PRKCH: variants seen among roughly 807,000 people sequenced by gnomAD.
The protein encoded by PRKCH is protein kinase C eta, also known as protein kinase C eta type.
In PRKCH, 28 loss-of-function variants were observed where a neutral mutation model predicts 82.5. That is an observed-to-expected ratio of 0.34 (90% confidence interval 0.25 to 0.47). PRKCH has a LOEUF of 0.47. PRKCH is among the 20% of genes least tolerant of loss of function. The pLI, the probability that PRKCH is intolerant of heterozygous loss-of-function variation, is 1.00. For synonymous variants in PRKCH, 322 were observed against 327.4 expected (o/e 0.98, Z 0.18); for missense variants, 705 against 881.8 (o/e 0.80, Z 2.54).
chr14:61,335,912 T>G (rs905204490), intron 1 of PRKCH, among the ~76,000 whole-genome samples: 6 of 152,218 alleles, frequency 3.9e-5, no homozygotes, highest in Non-Finnish European at 8.8e-5. Context: ...TGCATCATAG[T>G]GTGATGGTTG....
chr14:61,353,995 T>C (rs1298022879), intron 1 of PRKCH: 1 of 152,104 alleles, frequency 6.6e-6, no homozygotes, highest in Non-Finnish European at 1.5e-5. Flanking sequence ...AACCAAAATA[T>C]AATGTATGGG....
In PRKCH at chr14:61,530,556, T is replaced by C. The variant is rs755480153; in HGVS notation, c.1722T>C (p.Pro574=). 1.7e-5 allele frequency: 28 copies of C among 1,607,610 alleles called. No homozygotes were observed. Among genetic ancestry groups the C allele is most frequent in the Non-Finnish European group, 2.4e-5 (28 of 1,176,838 alleles). Reference sequence around the variant, plus strand: ...TACTGAATGATGAGGTGGTCTACCCTACCTGGCTCCATGAAGATGCCACAG... The same window carrying C: ...TACTGAATGATGAGGTGGTCTACCCCACCTGGCTCCATGAAGATGCCACAG... ...EAILNDEVVY[P]TWLHEDATGI... The change falls in exon 12 of 14, where the codon CCT becomes CCC. Residue 574 remains proline, a synonymous_variant. Transcript: ENST00000332981.
rs80295451 is a variant in PRKCH, at chr14:61,258,184, T to C, written c.-19+70516T>C. On this transcript the variant is annotated intron_variant, in intron 1 of 3. Coordinates refer to the PRKCH transcript ENST00000555185. ...AAATGTGTGATGGAAACCATGTTTA[T>C]GGTCAAAATTACCTTTCACCCTGGA... Among the ~76,000 whole-genome samples the C allele has an allele frequency of 2.2e-3, 331 of 152,314 alleles. 12 individuals carry two copies. In the East Asian group the frequency reaches 0.058, roughly 27 times the overall value.
At chr14:61,245,751 G>T (rs373768744) in intron 1 of PRKCH, among the ~76,000 whole-genome samples, 1 of 152,182 alleles carries the variant, frequency 6.6e-6, no homozygotes, top group Non-Finnish European at 1.5e-5. Context: ...ACAGAGTCTG[G>T]CATTAGATTA....
intron 1 of PRKCH, among the ~76,000 whole-genome samples, chr14:61,293,789 C>T (rs1293089930): frequency 6.6e-6 from 1 of 152,216 alleles, no homozygotes. Flanking sequence ...GTTTCCTAGA[C>T]AGCACCTGTG....
At chr14:61,518,372 G>T (rs2042856098) in intron 10 of PRKCH, among the ~76,000 whole-genome samples, 1 of 151,632 alleles carries the variant, frequency 6.6e-6, no homozygotes, top group Non-Finnish European at 1.5e-5. Context: ...AAATAAATTT[G>T]CACCGCTTCA....
chr14:61,215,711 C>A (rs1040929246), intron 1 of PRKCH, among the ~76,000 whole-genome samples: 4 of 152,184 alleles, frequency 2.6e-5, no homozygotes, highest in Non-Finnish European at 5.9e-5. Flanking sequence ...GTCTGCCTCC[C>A]TTTCAGGGCT....
In PRKCH at chr14:61,305,817, T is replaced by C. The variant is rs564199582; in HGVS notation, c.-19+118149T>C. ...TCTGCTAATTCCAACATTTGGGTCATCTTGGATTCTGCTTCTATTGACCAT... is the reference window on the plus strand; with the variant it reads ...TCTGCTAATTCCAACATTTGGGTCACCTTGGATTCTGCTTCTATTGACCAT... On this transcript the variant is annotated intron_variant, in intron 1 of 3. Transcript: ENST00000555185. 2.6e-5 allele frequency: 4 copies of C among 152,348 alleles called. No individual in the cohort carries two copies. In the South Asian group the frequency reaches 6.2e-4, roughly 24 times the overall value. 9.4% of individuals were successfully genotyped at this position (152,348 alleles called of 1,614,324 possible).
chr14:61,281,870 C>CTTTTTTTTTTTTTTTTTTTTTTTT (rs71117807), intron 1 of PRKCH: 1 of 94,866 alleles, frequency 1.1e-5, no homozygotes, highest in Non-Finnish European at 1.9e-5. Flanking sequence ...CAAATTTTAG[C>CTTTTTTTTTTTTTTTTTTTTTTTT]TTTTTTTTTT....
At chr14:61,505,390 C>CTTTTTTTTTTTT (rs1333577962) in intron 10 of PRKCH, among the ~76,000 whole-genome samples, 3 of 74,752 alleles carry the variant, frequency 4.0e-5, no homozygotes, top group South Asian at 1.0e-3. Context: ...CTTTTCTTTT[C>CTTTTTTTTTTTT]TTTTCTTTTT....
chr14:61,463,636 T>G (rs878930415), intron 9 of PRKCH, among the ~76,000 whole-genome samples: 1 of 152,238 alleles, frequency 6.6e-6, no homozygotes, highest in Admixed American at 6.5e-5. Flanking sequence ...TCTGATAATC[T>G]GGACTACAAA....
intron 1 of PRKCH, among the ~76,000 whole-genome samples, chr14:61,231,921 C>T (rs1485360232): frequency 6.6e-6 from 1 of 152,136 alleles, no homozygotes; most frequent in Non-Finnish European, 1.5e-5. Context: ...CCCCACACAC[C>T]AAGCAAGTAA....
chr14:61,310,087 C>A (rs1428967522), intron 1 of PRKCH, among the ~76,000 whole-genome samples: 2 of 152,158 alleles, frequency 1.3e-5, no homozygotes, highest in Non-Finnish European at 2.9e-5. Flanking sequence ...ATGGGGATTA[C>A]AATTCGAGAT....
chr14:61,228,809 A>C (rs2044717530), intron 1 of PRKCH, among the ~76,000 whole-genome samples: 1 of 152,126 alleles, frequency 6.6e-6, no homozygotes, highest in Non-Finnish European at 1.5e-5. Flanking sequence ...GGGAGGCCAA[A>C]GCAGGAGGAT....
chr14:61,453,289 C>A lies in PRKCH; in HGVS notation c.896C>A (p.Ala299Glu). The change falls in exon 7 of 14, where the codon GCG becomes GAG. Residue 299 changes from alanine to glutamate, a missense_variant. Coordinates refer to ENST00000332981, the MANE Select transcript of PRKCH (RefSeq NM_006255.5). ...ANVAPNCGVNAVELAKTLAGM... is the reference protein window; with the variant it reads ...ANVAPNCGVNEVELAKTLAGM... ...GTGGCCCCTAACTGTGGGGTAAATG[C>A]GGTGGAACTTGCCAAGACCCTGGCA... 1 of 1,614,152 alleles carries A rather than the reference C, an allele frequency of 6.2e-7. No homozygotes were observed. The highest frequency in any genetic ancestry group is 8.5e-7 in the Non-Finnish European group (1 of 1,180,016).
intron 1 of PRKCH, among the ~76,000 whole-genome samples, chr14:61,206,999 G>A (rs978205802): frequency 9.3e-5 from 14 of 150,802 alleles, no homozygotes; most frequent in Admixed American, 4.0e-4. Context: ...CCAGCTACTC[G>A]GGAGGCCGAG....
intron 1 of PRKCH, among the ~76,000 whole-genome samples, chr14:61,219,676 AAAAAAC>A (rs1447954851): frequency 6.6e-6 from 1 of 152,248 alleles, no homozygotes; most frequent in Admixed American, 6.5e-5. Flanking sequence ...ATCATTAAAT[AAAAAAC>A]AGAAACATAC....
intron 1 of PRKCH, among the ~76,000 whole-genome samples, chr14:61,228,266 G>T (rs1422090542): frequency 1.3e-5 from 2 of 152,196 alleles, no homozygotes; most frequent in Non-Finnish European, 2.9e-5. Flanking sequence ...ACAGAAACAA[G>T]GTCGAAAGTT....
intron 1 of PRKCH, chr14:61,327,274 G>T: frequency 6.0e-6 from 2 of 333,794 alleles, no homozygotes; most frequent in Non-Finnish European, 6.0e-6. Flanking sequence ...CTGGATCCAG[G>T]TGTCTGAATT....
Sources: allele counts gnomAD v4.1 joint callset (sites outside exome capture counted in the v4.1 genomes callset), GRCh38; gene constraint gnomAD v4.1.1; transcripts MANE v1.5; gene names NCBI Gene and HGNC (gene_info 2026-07-23, HGNC 2026-07-21).